ABCA5: variants seen among roughly 807,000 people sequenced by gnomAD.
ABCA5 encodes the protein ATP binding cassette subfamily A member 5, also known as cholesterol transporter ABCA5.
A neutral mutation model predicts 206.0 loss-of-function variants in ABCA5; 163 were observed. That is an observed-to-expected ratio of 0.79 (90% CI 0.70 to 0.90). ABCA5 has a LOEUF of 0.90. ABCA5 is among the 40% of genes least tolerant of loss of function. The pLI is 0.00. For synonymous variants in ABCA5, 609 were observed against 613.8 expected, an observed-to-expected ratio of 0.99 and a Z score of 0.11; for missense variants, 1,859 against 1,912.9, an observed-to-expected ratio of 0.97 and a Z score of 0.53.
At position 69,326,607 on chromosome 17, in the gene ABCA5, G is replaced by A. The variant is rs984676781; in HGVS notation, c.-16+445C>T. Among the ~76,000 whole-genome samples, 11 of 152,226 alleles carry A rather than the reference G, an allele frequency of 7.2e-5. No individual in the cohort carries two copies. The highest frequency in any genetic ancestry group is 4.6e-4 in the Admixed American group (7 of 15,290). ...TCCGCGCGTAACCTCGCAGGGAAGA[G>A]CAAGCGCTCATTACCCAGCTGTTCA... On this transcript the variant is annotated intron_variant, in intron 1 of 38. Transcript: ENST00000392676. This position sits in a 1 kb window ranked among gnomAD's most constrained non-coding sequence, Gnocchi z 4.8.
intron 32 of ABCA5, 148 bp from the exon 33 acceptor site, chr17:69,254,017 C>A (rs1334130135): frequency 6.3e-6 from 4 of 638,760 alleles, no homozygotes; most frequent in Non-Finnish European, 1.0e-5. Context: ...CTCCAATTTA[C>A]ATCATTTTAA....
At chr17:69,298,281 A>AAGGG (rs370544910) in intron 9 of ABCA5, among the ~76,000 whole-genome samples, 16 of 107,500 alleles carry the variant, frequency 1.5e-4, no homozygotes, top group African/African-American at 6.4e-4. Flanking sequence ...GGAAGGAAGG[A>AAGGG]AGGGAGGGAG....
intron 2 of ABCA5, 69 bp from the exon 3 acceptor site, chr17:69,313,365 C>T: frequency 1.4e-6 from 1 of 731,408 alleles, no homozygotes; most frequent in Non-Finnish European, 2.1e-6. Context: ...GATTTCTTGG[C>T]AAATAATATA....
chr17:69,290,639 A>C (rs2075515594), intron 12 of ABCA5, among the ~76,000 whole-genome samples: 1 of 152,170 alleles, frequency 6.6e-6, no homozygotes, highest in South Asian at 2.1e-4. Context: ...ATAACATTTA[A>C]AGAGTTGAAA....
intron 6 of ABCA5, among the ~76,000 whole-genome samples, chr17:69,306,072 T>C (rs1370862602): frequency 1.3e-5 from 2 of 152,122 alleles, no homozygotes. Context: ...ATGAACTTCA[T>C]TACATAGTGA....
chr17:69,271,390 A>G, intron 20 of ABCA5, 101 bp from the exon 21 acceptor site: 1 of 1,270,674 alleles, frequency 7.9e-7, no homozygotes, highest in Non-Finnish European at 1.1e-6. Flanking sequence ...TTTTATTTTC[A>G]TTAGCGAATA....
At chr17:69,264,177 AT>A (rs2075182400) in intron 24 of ABCA5, among the ~76,000 whole-genome samples, 1 of 151,948 alleles carries the variant, frequency 6.6e-6, no homozygotes, top group Non-Finnish European at 1.5e-5. Flanking sequence ...TGAGCATGAA[AT>A]TTTTTTCCAT....
chr17:69,251,807 T>C lies in ABCA5; in HGVS notation c.4475A>G (p.Tyr1492Cys). 1.2e-6 allele frequency: 2 copies of C among 1,613,982 alleles called. No individual in the cohort carries two copies. Among genetic ancestry groups the C allele is most frequent in the Non-Finnish European group, 8.5e-7 (1 of 1,179,974 alleles). ...ACAGACAGCCTCTGCCTCCTCCATA[T>C]AGTGAGTGGTCAGAATAGCAGCCCG... ...RKRAAILTTH[Y>C]MEEAEAVCDR... The change falls in exon 35 of 39, where the codon TAT (tyrosine) becomes TGT (cysteine). Residue 1492 changes from tyrosine (Y) to cysteine (C), a missense_variant. Physicochemically the swap from Tyr to Cys is radical, Grantham distance 194. Coordinates refer to ENST00000392676, the MANE Select transcript of ABCA5 (RefSeq NM_172232.4).
Position 69,289,753 on chromosome 17 carries a change from GA to G in ABCA5, c.1782+108del. On this transcript the variant is annotated intron_variant, in intron 13 of 38. Transcript: ENST00000392676. ...TAATAGCTTTCTGTTTGCTGGCTCAGAACAAGTGTTATATTTAGATTTTCAA... is the reference window on the plus strand; with the variant it reads ...TAATAGCTTTCTGTTTGCTGGCTCAGACAAGTGTTATATTTAGATTTTCAA... 3.5e-6 allele frequency: 3 copies of G among 856,954 alleles called. No individual in the cohort carries two copies. The South Asian group carries it at 5.7e-5, about 16-fold the overall frequency. 53.1% of individuals were successfully genotyped at this position (856,954 alleles called of 1,614,324 possible). A position where few individuals can be genotyped will look rare whatever the true frequency, so the allele number is the denominator to read the frequency against.
intron 24 of ABCA5, among the ~76,000 whole-genome samples, chr17:69,264,304 A>C (rs931074117): frequency 2.6e-5 from 4 of 152,130 alleles, no homozygotes; most frequent in South Asian, 2.1e-4. Context: ...TGGCTATTGT[A>C]AATGGAGTTG....
intron 37 of ABCA5, 154 bp from the exon 38 acceptor site, chr17:69,248,471 T>C: frequency 1.9e-6 from 1 of 527,378 alleles, no homozygotes; most frequent in East Asian, 3.3e-5. Flanking sequence ...CTTACTTCCT[T>C]TCTCTTCCCC....
chr17:69,297,381 A>C, intron 9 of ABCA5, 22 bp from the exon 10 acceptor site: 4 of 1,574,668 alleles, frequency 2.5e-6, no homozygotes, highest in Non-Finnish European at 3.4e-6. Flanking sequence ...ACATTAAAAA[A>C]CTGAGTTACC....
Position 69,270,609 on chromosome 17 carries a change from T to C in ABCA5, c.3030+4A>G. 1 of 1,584,970 alleles carries C rather than the reference T, an allele frequency of 6.3e-7. No homozygotes were observed. The highest frequency in any genetic ancestry group is 8.5e-7 in the Non-Finnish European group (1 of 1,169,878). On this transcript the variant is annotated splice_donor_region_variant and intron_variant, in intron 22 of 38. Transcript: ENST00000392676. ...GAAATTTATCTGTATATACATTGGC[T>C]TACTTGAAAGAATGGGGTACTCCAG...
chr17:69,312,102 T>C (rs1362288943), intron 3 of ABCA5, among the ~76,000 whole-genome samples: 1 of 152,216 alleles, frequency 6.6e-6, no homozygotes, highest in Non-Finnish European at 1.5e-5. Context: ...CTATCCCATA[T>C]GGCAAAAAAT....
At chr17:69,303,785 AATATAT>A (rs1182494562) in intron 7 of ABCA5, among the ~76,000 whole-genome samples, 35 of 4,742 alleles carry the variant, frequency 7.4e-3, no homozygotes, top group Non-Finnish European at 0.02. Flanking sequence ...AAAAAAAAAA[AATATAT>A]ATATATATAT....
chr17:69,278,670 A>G (rs2075358887), intron 18 of ABCA5, among the ~76,000 whole-genome samples: 1 of 152,242 alleles, frequency 6.6e-6, no homozygotes, highest in South Asian at 2.1e-4. Context: ...TTTCATTTTA[A>G]TATTTAATAT....
intron 11 of ABCA5, among the ~76,000 whole-genome samples, chr17:69,292,256 A>G (rs2075536210): frequency 6.6e-6 from 1 of 152,128 alleles, no homozygotes; most frequent in African/African-American, 2.4e-5. Flanking sequence ...TGCCCCATGA[A>G]CGTGGTATTT....
intron 32 of ABCA5, 121 bp from the exon 33 acceptor site, chr17:69,253,990 T>A: frequency 1.3e-6 from 1 of 759,868 alleles, no homozygotes; most frequent in Non-Finnish European, 2.1e-6. Context: ...TTATTATAAG[T>A]AGGTAAGGGC....
rs2075143032 is a variant in ABCA5 at position 69,261,202 on chromosome 17, C to T, written c.3487G>A (p.Ala1163Thr). The change falls in exon 26 of 39, where the codon GCA (alanine) becomes ACA (threonine). Residue 1163 changes from alanine (A) to threonine (T), a missense_variant. By Grantham distance (58) the Ala-to-Thr change is moderately conservative (BLOSUM62 0). Transcript: ENST00000392676. ...EITFFMGYTI[A>T]TILHYAFCII... ...CAAAAGGCATAATGAAGAATAGTTG[C>T]AATTGTGTATCCCATAAAGAAAGTT... 21 of 1,608,800 alleles carry T rather than the reference C, an allele frequency of 1.3e-5. No homozygotes were observed. The highest frequency in any genetic ancestry group is 1.8e-5 in the Non-Finnish European group (21 of 1,177,268).
Sources: allele counts gnomAD v4.1 joint callset (sites outside exome capture counted in the v4.1 genomes callset), GRCh38; gene constraint gnomAD v4.1.1; non-coding constraint Gnocchi (gnomAD v3.1); transcripts MANE v1.5; gene names NCBI Gene and HGNC (gene_info 2026-07-23, HGNC 2026-07-21).